HMGCS2: variants seen among roughly 807,000 people sequenced by gnomAD.
HMGCS2 encodes hydroxymethylglutaryl-CoA synthase, mitochondrial.
HMGCS2 carries 50 observed loss-of-function variants against 57.4 expected under a neutral mutation model. The observed-to-expected ratio is 0.87, with a 90% CI of 0.69 to 1.10. The LOEUF (loss-of-function observed/expected upper bound fraction) is 1.10, where lower values mean the gene tolerates loss of function less well. HMGCS2 is among the 50% of genes least tolerant of loss of function. HMGCS2 has a pLI of 0.00. For synonymous variants in HMGCS2, 254 were observed against 245.1 expected (o/e 1.04, Z -0.34); for missense variants, 627 against 636.5 (o/e 0.99, Z 0.16).
At chr1:119,765,302 G>T (rs964651164) in intron 1 of HMGCS2, among the ~76,000 whole-genome samples, 3 of 152,016 alleles carry the variant, frequency 2.0e-5, no homozygotes, top group Non-Finnish European at 2.9e-5. Flanking sequence ...TAGAGACAGG[G>T]TTTCACCGTG....
chr1:119,767,224 AG>A (rs1653259324), intron 1 of HMGCS2, among the ~76,000 whole-genome samples: 1 of 152,232 alleles, frequency 6.6e-6, no homozygotes, highest in African/African-American at 2.4e-5. Context: ...GAATGTGGTC[AG>A]GCCCACAAAA....
chr1:119,756,154 C>A (rs1374700924), intron 5 of HMGCS2, among the ~76,000 whole-genome samples: 1 of 152,184 alleles, frequency 6.6e-6, no homozygotes, highest in Non-Finnish European at 1.5e-5. Flanking sequence ...TACGCATCCA[C>A]TACTGCCCAT....
At chr1:119,768,425 G>C (rs922621775) in intron 1 of HMGCS2, among the ~76,000 whole-genome samples, 1 of 152,160 alleles carries the variant, frequency 6.6e-6, no homozygotes, top group African/African-American at 2.4e-5. Flanking sequence ...GGTGAAGGTG[G>C]GAATGGTGGT....
intron 2 of HMGCS2, 143 bp downstream of exon 2, chr1:119,764,029 T>G: frequency 1.4e-6 from 1 of 717,702 alleles, no homozygotes. Flanking sequence ...AAGTGGTTAT[T>G]GTGGGATGAT....
At chr1:119,768,389 T>C (rs1292483263) in intron 1 of HMGCS2, among the ~76,000 whole-genome samples, 1 of 152,196 alleles carries the variant, frequency 6.6e-6, no homozygotes, top group Admixed American at 6.5e-5. Flanking sequence ...TGGCACAAGG[T>C]CCTGTGGTTC....
chr1:119,754,042 C>A (rs995652915), intron 6 of HMGCS2, among the ~76,000 whole-genome samples: 1 of 145,032 alleles, frequency 6.9e-6, no homozygotes, highest in African/African-American at 2.5e-5. Context: ...CAGGTGCAAG[C>A]TGCCACACCC....
chr1:119,764,096 A>C (rs1052680323), intron 2 of HMGCS2, 76 bp downstream of exon 2: 7 of 1,288,768 alleles, frequency 5.4e-6, no homozygotes, highest in Non-Finnish European at 7.9e-6. Flanking sequence ...CACCTGGGGA[A>C]CTGAAAAGCA....
chr1:119,755,251 G>A (rs1652795800), intron 6 of HMGCS2, among the ~76,000 whole-genome samples, 176 bp downstream of exon 6: 2 of 152,136 alleles, frequency 1.3e-5, no homozygotes, highest in Non-Finnish European at 2.9e-5. Context: ...CAGGCGATCT[G>A]CCCGCCTAAA....
At chr1:119,752,761 G>C in intron 7 of HMGCS2, 87 bp from the exon 8 acceptor site, 1 of 1,502,110 alleles carries the variant, frequency 6.7e-7, no homozygotes, top group South Asian at 1.1e-5. Flanking sequence ...GCCAGGTTCT[G>C]TGGGAGGTTA....
chr1:119,764,198 T>A lies in HMGCS2; in HGVS notation c.533A>T (p.Asn178Ile), dbSNP rs1386957244. 1 of 1,613,484 alleles carries A rather than the reference T, an allele frequency of 6.2e-7. No homozygotes were observed. The highest frequency in any genetic ancestry group is 8.5e-7 in the Non-Finnish European group (1 of 1,180,026). ...ATCCCAGGAACTGGACTCCATCCAG[T>A]TGGCAGCATTGAAGAGGGAGGCAGT... Reference protein sequence around the residue: ...GGTASLFNAANWMESSSWDGR... With the variant: ...GGTASLFNAAIWMESSSWDGR... Residue 178 changes from asparagine to isoleucine, a missense_variant, in exon 2 of 10, where the codon AAC (asparagine) becomes ATC (isoleucine). By Grantham distance (149) the Asn-to-Ile change is moderately radical (BLOSUM62 -3). Coordinates refer to ENST00000369406, the MANE Select transcript of HMGCS2 (RefSeq NM_005518.4).
chr1:119,764,204 G>A lies in HMGCS2; in HGVS notation c.527C>T (p.Ala176Val), dbSNP rs764299408. The stretch of plus-strand genomic sequence containing the variant: ...GGAACTGGACTCCATCCAGTTGGCA[G>A]CATTGAAGAGGGAGGCAGTACCACC... ...CYGGTASLFN[A>V]ANWMESSSWD... Residue 176 changes from alanine (A) to valine (V), a missense_variant, in exon 2 of 10, where the codon GCT (alanine) becomes GTT (valine). Ala to Val is a moderately conservative substitution (Grantham distance 64, BLOSUM62 0). Coordinates refer to ENST00000369406, the MANE Select transcript of HMGCS2 (RefSeq NM_005518.4). The A allele has an allele frequency of 1.2e-6, 2 of 1,613,706 alleles. No individual in the cohort carries two copies. The highest frequency in any genetic ancestry group is 1.7e-6 in the Non-Finnish European group (2 of 1,180,022).
At chr1:119,755,383 C>T (rs1369898594) in intron 6 of HMGCS2, 44 bp downstream of exon 6, 3 of 1,595,644 alleles carry the variant, frequency 1.9e-6, no homozygotes, top group East Asian at 4.5e-5. Context: ...GGGGCGGAGG[C>T]TGAGGGTGTG....
intron 3 of HMGCS2, 77 bp downstream of exon 3, chr1:119,759,787 G>C (rs1652974886): frequency 6.4e-7 from 1 of 1,553,222 alleles, no homozygotes; most frequent in East Asian, 2.2e-5. Flanking sequence ...CTGAGTAGCA[G>C]GTGTGCCAAT....
At chr1:119,755,877 T>C (rs947932709) in intron 5 of HMGCS2, among the ~76,000 whole-genome samples, 1 of 132,766 alleles carries the variant, frequency 7.5e-6, no homozygotes, top group Non-Finnish European at 1.6e-5. Context: ...TAGCATACTT[T>C]CTTAACTTAG....
intron 9 of HMGCS2, among the ~76,000 whole-genome samples, chr1:119,749,060 C>T (rs977782157): frequency 6.6e-6 from 1 of 152,214 alleles, no homozygotes; most frequent in Non-Finnish European, 1.5e-5. Context: ...CCCCGTCGCA[C>T]ATCTGCCTGT....
Position 119,757,438 on chromosome 1 carries a change from G to C in HMGCS2, c.851C>G (p.Ala284Gly), listed in dbSNP as rs201182715. ...AAGGGTGAAGGGTCGATCGCTGCCA[G>C]CTGGAAGAGGAAGCGTGAAGGCAAG... is the stretch of plus-strand genomic sequence containing the variant. ...RKKIQNQWKQ[A>G]GSDRPFTLDD... The change falls in exon 5 of 10, where the codon GCT becomes GGT. Residue 284 changes from alanine (A) to glycine (G), a missense_variant and splice_region_variant. Coordinates refer to ENST00000369406, the MANE Select transcript of HMGCS2 (RefSeq NM_005518.4). The C allele has an allele frequency of 1.4e-5, 23 of 1,613,712 alleles. No homozygotes were observed. Among genetic ancestry groups the C allele is most frequent in the Non-Finnish European group, 1.9e-5 (23 of 1,179,560 alleles).
In HMGCS2 at chr1:119,757,383, T is replaced by G; in HGVS notation, c.906A>C (p.Thr302=). The change falls in exon 5 of 10, where the codon ACA becomes ACC. Residue 302 remains threonine (T), a synonymous_variant. Transcript: ENST00000369406. ...ACTTCTGGACCATCTTGCAAAAGGGTGTATGAAAGATCATGTACTGTAAAT... is the reference window on the plus strand; with the variant it reads ...ACTTCTGGACCATCTTGCAAAAGGGGGTATGAAAGATCATGTACTGTAAAT... The part of the protein sequence containing the change: ...LDDLQYMIFH[T]PFCKMVQKSL... The G allele has an allele frequency of 1.9e-6, 3 of 1,614,060 alleles. No individual in the cohort carries two copies. Among genetic ancestry groups the G allele is most frequent in the Non-Finnish European group, 2.5e-6 (3 of 1,179,996 alleles).
intron 4 of HMGCS2, among the ~76,000 whole-genome samples, chr1:119,758,109 C>T (rs187700963): frequency 1.3e-5 from 2 of 152,376 alleles, no homozygotes; most frequent in Admixed American, 1.3e-4. Context: ...TTATGACACC[C>T]CCAAGGCATC....
At chr1:119,762,393 T>A (rs765253845) in intron 2 of HMGCS2, among the ~76,000 whole-genome samples, 9 of 152,178 alleles carry the variant, frequency 5.9e-5, no homozygotes, top group Admixed American at 3.3e-4. Context: ...TTGCTTTATA[T>A]ACTTTTGTGT....
Sources: allele counts gnomAD v4.1 joint callset (sites outside exome capture counted in the v4.1 genomes callset), GRCh38; gene constraint gnomAD v4.1.1; transcripts MANE v1.5; gene names NCBI Gene and HGNC (gene_info 2026-07-23, HGNC 2026-07-21).